The following GRID2 variants were observed in gnomAD, a reference collection of about 807,000 sequenced individuals.
GRID2 encodes the protein glutamate receptor ionotropic, delta-2.
In GRID2, 33 loss-of-function variants were observed where a neutral mutation model predicts 114.8. The observed-to-expected ratio is 0.29, with a 90% CI of 0.22 to 0.38. GRID2 has a LOEUF of 0.38. Ranked by LOEUF, GRID2 falls within the 10% of genes least tolerant of loss-of-function variation. GRID2 has a pLI of 1.00. For missense variants in GRID2, 1,184 were observed against 1,257.7 expected, an observed-to-expected ratio of 0.94 and a Z score of 0.89; for synonymous variants, 505 against 449.9, an observed-to-expected ratio of 1.12 and a Z score of -1.55.
At chr4:93,527,545 A>G (rs1731034783) in intron 13 of GRID2, among the ~76,000 whole-genome samples, 1 of 151,752 alleles carries the variant, frequency 6.6e-6, no homozygotes, top group Non-Finnish European at 1.5e-5. Flanking sequence ...TACATTTTAA[A>G]AAACTCCATA....
At chr4:92,314,868 A>G (rs1238024949) in intron 1 of GRID2, among the ~76,000 whole-genome samples, 1 of 152,144 alleles carries the variant, frequency 6.6e-6, no homozygotes, top group Admixed American at 6.5e-5. Flanking sequence ...TACAGGGCAA[A>G]GTTTATCATT....
At chr4:92,973,679 A>AT (rs1282016371) in intron 2 of GRID2, among the ~76,000 whole-genome samples, 2 of 152,176 alleles carry the variant, frequency 1.3e-5, no homozygotes, top group African/African-American at 4.8e-5. Flanking sequence ...GAGATAATTT[A>AT]TTTTATAAGG....
chr4:92,914,843 C>A (rs1748660515), intron 2 of GRID2, among the ~76,000 whole-genome samples: 1 of 151,950 alleles, frequency 6.6e-6, no homozygotes, highest in African/African-American at 2.4e-5. Context: ...TGTGTTGATT[C>A]TATGTCTTTG....
At chr4:93,297,297 G>T (rs1051979229) in intron 8 of GRID2, among the ~76,000 whole-genome samples, 1 of 152,040 alleles carries the variant, frequency 6.6e-6, no homozygotes, top group Non-Finnish European at 1.5e-5. Flanking sequence ...TAAAATTACC[G>T]ATAAGACCTT....
chr4:92,327,089 C>A (rs1358948017), intron 1 of GRID2, among the ~76,000 whole-genome samples: 1 of 151,952 alleles, frequency 6.6e-6, no homozygotes, highest in Non-Finnish European at 1.5e-5. Flanking sequence ...CAAAATATTT[C>A]TTCTACTGAG....
chr4:92,618,712 T>C (rs1247708085), intron 2 of GRID2, among the ~76,000 whole-genome samples: 1 of 151,742 alleles, frequency 6.6e-6, no homozygotes, highest in Non-Finnish European at 1.5e-5. Flanking sequence ...TAGGGATCAT[T>C]CATCTCCTTG....
intron 2 of GRID2, among the ~76,000 whole-genome samples, chr4:93,010,559 G>C (rs766192259): frequency 6.6e-6 from 1 of 152,068 alleles, no homozygotes; most frequent in Non-Finnish European, 1.5e-5. Context: ...CGCCAGAAAG[G>C]TACCTTAGCA....
intron 8 of GRID2, among the ~76,000 whole-genome samples, chr4:93,307,906 C>A (rs1236262612): frequency 6.6e-6 from 1 of 151,028 alleles, no homozygotes; most frequent in Admixed American, 6.6e-5. Context: ...TTTACAAACA[C>A]AAATACATAC....
chr4:93,084,218 A>C (rs1468779146), intron 2 of GRID2, among the ~76,000 whole-genome samples: 1 of 152,102 alleles, frequency 6.6e-6, no homozygotes, highest in Non-Finnish European at 1.5e-5. Context: ...ACATTTACTT[A>C]TAATTTATAT....
Position 92,320,756 on chromosome 4 carries a change from G to A in GRID2, c.88+16012G>A, listed in dbSNP as rs1242310926. 2.6e-5 allele frequency among the ~76,000 whole-genome samples: 4 copies of A among 152,128 alleles called. No homozygotes were observed. The South Asian group carries it at 6.2e-4, about 24-fold the overall frequency. ...GCCTCCCAAAGTGCTGGGATTACAGGCATGAGCCACCACCCCCAGCTGATA... is the reference window on the plus strand; with the variant it reads ...GCCTCCCAAAGTGCTGGGATTACAGACATGAGCCACCACCCCCAGCTGATA... On this transcript the variant is annotated intron_variant, in intron 1 of 15. Coordinates refer to ENST00000282020, the MANE Select transcript of GRID2 (RefSeq NM_001510.4).
chr4:92,846,827 GTATT>G (rs1743361644), intron 2 of GRID2, among the ~76,000 whole-genome samples: 1 of 152,032 alleles, frequency 6.6e-6, no homozygotes, highest in South Asian at 2.1e-4. Flanking sequence ...TGCCTTACAT[GTATT>G]TAGTCATTAC....
chr4:93,769,892 C>A (rs1733975163), intron 15 of GRID2, among the ~76,000 whole-genome samples: 1 of 152,184 alleles, frequency 6.6e-6, no homozygotes, highest in African/African-American at 2.4e-5. Context: ...TCAGAATTTT[C>A]TCTTCACCAC....
chr4:93,487,327 A>AT (rs1726513270), intron 11 of GRID2, among the ~76,000 whole-genome samples: 1 of 151,664 alleles, frequency 6.6e-6, no homozygotes, highest in South Asian at 2.1e-4. Flanking sequence ...ACTTGTTCAC[A>AT]TTTAACTTGC....
At chr4:93,138,230 C>T (rs1735449859) in intron 4 of GRID2, among the ~76,000 whole-genome samples, 1 of 151,994 alleles carries the variant, frequency 6.6e-6, no homozygotes, top group Non-Finnish European at 1.5e-5. Flanking sequence ...CTGTCTCGGC[C>T]TCCCAAAGTA....
chr4:93,330,455 C>T (rs1345191979), intron 8 of GRID2, among the ~76,000 whole-genome samples: 2 of 152,120 alleles, frequency 1.3e-5, no homozygotes, highest in African/African-American at 2.4e-5. Flanking sequence ...TAGTTAATTG[C>T]TACATACATG....
chr4:93,423,032 G>T (rs976019748), intron 10 of GRID2, 64 bp downstream of exon 10: 3 of 1,102,156 alleles, frequency 2.7e-6, no homozygotes, highest in Non-Finnish European at 4.1e-6. Flanking sequence ...CATACCTAAA[G>T]GTTCAACAGT....
intron 14 of GRID2, among the ~76,000 whole-genome samples, chr4:93,686,326 A>G (rs965005167): frequency 5.9e-5 from 9 of 151,786 alleles, no homozygotes; most frequent in African/African-American, 2.2e-4. Context: ...CCTTCTCTCT[A>G]TCCCCATGGC....
intron 2 of GRID2, among the ~76,000 whole-genome samples, chr4:92,770,826 A>G (rs553401625): frequency 6.6e-6 from 1 of 152,286 alleles, no homozygotes; most frequent in South Asian, 2.1e-4. Flanking sequence ...ACAACTCAAG[A>G]TAAGATTTGA....
In GRID2 at chr4:93,579,090, T is replaced by G. The variant is rs543980443; in HGVS notation, c.2194-47179T>G. ...TCTTGACAGTCTGAAATAACTTCTTTCAGCTTCACAGCTCATTATTGGTTA... is the reference window on the plus strand; with the variant it reads ...TCTTGACAGTCTGAAATAACTTCTTGCAGCTTCACAGCTCATTATTGGTTA... On this transcript the variant is annotated intron_variant, in intron 13 of 15. Transcript: ENST00000282020. Among the ~76,000 whole-genome samples the G allele has an allele frequency of 9.8e-5, 15 of 152,332 alleles. No homozygotes were observed. The East Asian group carries it at 2.7e-3, about 27-fold the overall frequency.
Sources: allele counts gnomAD v4.1 joint callset (sites outside exome capture counted in the v4.1 genomes callset), GRCh38; gene constraint gnomAD v4.1.1; transcripts MANE v1.5; gene names NCBI Gene and HGNC (gene_info 2026-07-23, HGNC 2026-07-21).